The following KEL variants were observed in gnomAD, a reference collection of about 807,000 sequenced individuals.
The protein encoded by KEL is Kell metallo-endopeptidase (Kell blood group).
Under a neutral mutation model 99.5 loss-of-function variants are expected in KEL, and 96 were observed. The observed-to-expected ratio is 0.97, with a 90% confidence interval of 0.82 to 1.14. The LOEUF is 1.14. Ranked by LOEUF, KEL falls within the 50% of genes most tolerant of loss-of-function variation. The pLI is 0.00. For missense variants in KEL, 926 were observed against 924.2 expected (o/e 1.00, Z -0.03); for synonymous variants, 355 against 354.8 (o/e 1.00, Z -0.01).
chr7:142,959,032 C>T (rs1796895710), intron 4 of KEL, among the ~76,000 whole-genome samples: 1 of 151,990 alleles, frequency 6.6e-6, no homozygotes, highest in Non-Finnish European at 1.5e-5. Flanking sequence ...TGATTGATGT[C>T]TCATGACTCT....
chr7:142,959,136 A>G (rs185268896), intron 4 of KEL, among the ~76,000 whole-genome samples: 1 of 152,274 alleles, frequency 6.6e-6, no homozygotes, highest in Admixed American at 6.5e-5. Context: ...GGTCACTCAT[A>G]TTTGGCTCAA....
At chr7:142,949,734 T>C (rs1376640318) in intron 10 of KEL, among the ~76,000 whole-genome samples, 2 of 151,192 alleles carry the variant, frequency 1.3e-5, no homozygotes, top group Non-Finnish European at 1.5e-5. Context: ...TTAACAGTAG[T>C]CTGGACGAAG....
intron 10 of KEL, among the ~76,000 whole-genome samples, chr7:142,949,767 T>A (rs1032411745): frequency 6.6e-6 from 1 of 152,202 alleles, no homozygotes; most frequent in East Asian, 1.9e-4. Flanking sequence ...AAATTGCAAA[T>A]GATCCAAAGC....
In KEL at chr7:142,943,366, G is replaced by C. The variant is rs757284755; in HGVS notation, c.1704-23C>G. The C allele has an allele frequency of 9.3e-6, 15 of 1,613,764 alleles. No individual in the cohort carries two copies. The African/African-American group carries it at 1.5e-4, about 16-fold the overall frequency. The stretch of plus-strand genomic sequence containing the variant: ...GCTCTAGGGAGACAAGGGCTTATTT[G>C]ACCCCCAGAATCTCTCAGCATTTGT... On this transcript the variant is annotated intron_variant, in intron 15 of 18. Transcript: ENST00000355265.
At chr7:142,944,564 C>G (rs945539169) in intron 12 of KEL, 79 bp downstream of exon 12, 15 of 1,338,500 alleles carry the variant, frequency 1.1e-5, no homozygotes, top group Non-Finnish European at 1.6e-5. Context: ...TTGGCATTTG[C>G]TTCCAATCCC....
At chr7:142,944,524 T>G (rs1415000817) in intron 12 of KEL, 119 bp downstream of exon 12, 1 of 1,175,578 alleles carries the variant, frequency 8.5e-7, no homozygotes, top group Admixed American at 1.8e-5. Flanking sequence ...CCCAGTGGCT[T>G]CCCTACTTAG....
Position 142,941,293 on chromosome 7 carries a change from C to T in KEL, c.2158G>A (p.Gly720Ser). The T allele has an allele frequency of 6.2e-7, 1 of 1,614,096 alleles. No homozygotes were observed. Among genetic ancestry groups the T allele is most frequent in the East Asian group, 2.2e-5 (1 of 44,874 alleles). Residue 720 changes from glycine (G) to serine (S), a missense_variant, in exon 19 of 19, where the codon GGT (glycine) becomes AGT (serine). By Grantham distance (56) the Gly-to-Ser change is moderately conservative. Transcript: ENST00000355265. ...CGGCTGGAGGGGTTCAAGAGAGCAC[C>T]ACGTGCACAGCGGAAATACCTGGCA... ...AFARYFRCAR[G>S]ALLNPSSRCQ... is the part of the protein sequence containing the mutation.
At chr7:142,952,728 T>G in intron 9 of KEL, 90 bp from the exon 10 acceptor site, 1 of 1,443,754 alleles carries the variant, frequency 6.9e-7, no homozygotes, top group Non-Finnish European at 9.6e-7. Flanking sequence ...ACCTTGATAC[T>G]CGTGAAGGCA....
intron 10 of KEL, among the ~76,000 whole-genome samples, chr7:142,950,054 C>T (rs1796642931): frequency 6.6e-6 from 1 of 152,138 alleles, no homozygotes; most frequent in African/African-American, 2.4e-5. Context: ...TAATTAATGG[C>T]CACTGAATAA....
chr7:142,947,284 T>G (rs1796558655), intron 10 of KEL, among the ~76,000 whole-genome samples: 1 of 152,126 alleles, frequency 6.6e-6, no homozygotes, highest in African/African-American at 2.4e-5. Context: ...TCCTGTGATT[T>G]TTTTACTTCC....
At chr7:142,944,886 A>G (rs952749586) in intron 11 of KEL, 145 bp from the exon 12 acceptor site, 2 of 701,470 alleles carry the variant, frequency 2.9e-6, no homozygotes, top group South Asian at 1.5e-5. Context: ...CAGCTCAACT[A>G]AAGCAACTAA....
intron 14 of KEL, 66 bp downstream of exon 14, chr7:142,943,717 C>T: frequency 6.5e-7 from 1 of 1,531,550 alleles, no homozygotes; most frequent in South Asian, 1.1e-5. Context: ...GCCCTGGCTT[C>T]CTTTCCTGTG....
At chr7:142,956,412 A>G (rs1044830513) in intron 6 of KEL, among the ~76,000 whole-genome samples, 4 of 151,914 alleles carry the variant, frequency 2.6e-5, no homozygotes, top group Admixed American at 1.3e-4. Context: ...CACAATTGTC[A>G]TAAGAGTTGG....
rs2116643822 is a variant in KEL, at chr7:142,944,359, G to A, written c.1455C>T (p.Ala485=). ...LQVEMGASEW[A]LKPELARQEY... ...CTTGTCGGGCCAGCTCTGGCTTCAG[G>A]GCCCATTCTGAAGCCCCCATCTCCA... The change falls in exon 13 of 19, where the codon GCC becomes GCT. Residue 485 remains alanine, a synonymous_variant. Transcript: ENST00000355265. 2 of 1,614,002 alleles carry A rather than the reference G, an allele frequency of 1.2e-6. No individual in the cohort carries two copies. Among genetic ancestry groups the A allele is most frequent in the Non-Finnish European group, 1.7e-6 (2 of 1,179,894 alleles).
At position 142,954,234 on chromosome 7, in the gene KEL, G is replaced by A. The variant is rs371571715; in HGVS notation, c.874C>T (p.Arg292Trp). Reference protein sequence around the residue: ...LFQFLRPLEQRRAQGKLFQMV... With the variant: ...LFQFLRPLEQWRAQGKLFQMV... ...TGGAAGAGCTTGCCCTGTGCCCGCC[G>A]CTGCTCCAGGGGCCTCAGAAACTGG... Residue 292 changes from arginine to tryptophan, a missense_variant, in exon 8 of 19, where the codon CGG becomes TGG. Arg to Trp is a moderately radical substitution (Grantham distance 101). Coordinates refer to ENST00000355265, the MANE Select transcript of KEL (RefSeq NM_000420.3). The A allele has an allele frequency of 3.2e-5, 52 of 1,613,506 alleles. No homozygotes were observed. Among genetic ancestry groups the A allele is most frequent in the Admixed American group, 6.7e-5 (4 of 60,010 alleles).
intron 6 of KEL, 29 bp downstream of exon 6, chr7:142,957,798 A>T (rs755761755): frequency 6.2e-7 from 1 of 1,613,632 alleles, no homozygotes; most frequent in East Asian, 2.2e-5. Context: ...GGCCAGGTCC[A>T]ACTGTGTCTT....
Position 142,958,351 on chromosome 7 carries a change from C to G in KEL, c.478G>C (p.Ala160Pro). Reference protein sequence around the residue: ...QFYNSCMDTLAIEAAGTGPLR... With the variant: ...QFYNSCMDTLPIEAAGTGPLR... ...GGACCAGTCCCTGCAGCTTCAATGGCAAGTGTATCCATGCAGGAGTTGTAG... is the reference window on the plus strand; with the variant it reads ...GGACCAGTCCCTGCAGCTTCAATGGGAAGTGTATCCATGCAGGAGTTGTAG... Residue 160 changes from alanine (A) to proline (P), a missense_variant, in exon 5 of 19, where the codon GCC (alanine) becomes CCC (proline). Physicochemically the swap from Ala to Pro is conservative, Grantham distance 27 (BLOSUM62 -1). Coordinates refer to ENST00000355265, the MANE Select transcript of KEL (RefSeq NM_000420.3). 2 of 1,614,134 alleles carry G rather than the reference C, an allele frequency of 1.2e-6. No homozygotes were observed. The highest frequency in any genetic ancestry group is 8.5e-7 in the Non-Finnish European group (1 of 1,179,998).
In KEL at chr7:142,961,040, A is replaced by G. The variant is rs375217998; in HGVS notation, c.288T>C (p.Ser96=). The change falls in exon 4 of 19, where the codon AGT becomes AGC. Residue 96 remains serine, a synonymous_variant. Coordinates refer to ENST00000355265, the MANE Select transcript of KEL (RefSeq NM_000420.3). The part of the protein sequence containing the change: ...RDHYLASGNT[S]VAPCTDFFSF... Reference sequence around the variant, plus strand: ...TGAAGAAGTCGGTGCAGGGGGCCACACTTGTGTTCCCAGAGGCCAGGTAAT... The same window carrying G: ...TGAAGAAGTCGGTGCAGGGGGCCACGCTTGTGTTCCCAGAGGCCAGGTAAT... The G allele has an allele frequency of 2.5e-6, 4 of 1,614,200 alleles. No homozygotes were observed. The highest frequency in any genetic ancestry group is 1.7e-4 in the Middle Eastern group (1 of 6,060).
intron 10 of KEL, among the ~76,000 whole-genome samples, chr7:142,951,159 G>A (rs1032596843): frequency 1.3e-5 from 2 of 152,164 alleles, no homozygotes; most frequent in Admixed American, 6.5e-5. Flanking sequence ...TAAGCCCAAG[G>A]ACAATTATGT....
Sources: gnomAD v4.1 joint callset for allele counts (sites outside exome capture counted in the v4.1 genomes callset) on GRCh38, gnomAD v4.1.1 for gene constraint, MANE v1.5 for transcripts, NCBI Gene and HGNC (gene_info 2026-07-23, HGNC 2026-07-21) for gene names.